Variants in INIP observed in about 807,000 individuals in gnomAD.
INIP encodes the protein INTS3 and NABP interacting protein.
INIP carries 9 observed loss-of-function variants against 14.0 expected under a neutral mutation model. The observed-to-expected ratio is 0.64, with a 90% CI of 0.39 to 1.12. INIP has a LOEUF of 1.12. Among genes scored for constraint, INIP ranks in the 50% most tolerant of loss-of-function variants. INIP has a pLI of 0.01. For missense variants in INIP, 78 were observed against 122.7 expected, an observed-to-expected ratio of 0.64 and a Z score of 1.72; for synonymous variants, 37 against 41.5, an observed-to-expected ratio of 0.89 and a Z score of 0.41.
At position 112,686,395 on chromosome 9, in the gene INIP, A is replaced by C. The variant is rs1837666008; in HGVS notation, c.*1143T>G. 1 of 152,246 alleles carries C rather than the reference A, an allele frequency of 6.6e-6. No individual in the cohort carries two copies. Among genetic ancestry groups the C allele is most frequent in the East Asian group, 1.9e-4 (1 of 5,202 alleles). 9.4% of individuals were successfully genotyped at this position (152,246 alleles called of 1,614,324 possible). ...GGTAGGGTAGTGGGACTGCATACTT[A>C]AATAAGCACCCCAGATACTGCTAAA... On this transcript the variant is annotated 3_prime_UTR_variant, in exon 5 of 5. Coordinates refer to ENST00000374242, the MANE Select transcript of INIP (RefSeq NM_021218.3).
rs1164650924 is a variant in INIP, at chr9:112,684,001, G to A, written c.*3537C>T. The A allele has an allele frequency of 6.6e-6, 1 of 151,980 alleles. No homozygotes were observed. The highest frequency in any genetic ancestry group is 1.5e-5 in the Non-Finnish European group (1 of 67,998). 9.4% of individuals were successfully genotyped at this position (151,980 alleles called of 1,614,324 possible). On this transcript the variant is annotated 3_prime_UTR_variant, in exon 5 of 5. Coordinates refer to ENST00000374242, the MANE Select transcript of INIP (RefSeq NM_021218.3). ...CTGACATCTGCATTATTTAGAAGCG[G>A]CTTTCAAAACTTTTTTTGCCATAAC...
chr9:112,693,748 G>C (rs914591460), intron 3 of INIP, among the ~76,000 whole-genome samples: 5 of 152,126 alleles, frequency 3.3e-5, no homozygotes, highest in Non-Finnish European at 5.9e-5. Flanking sequence ...TGAATTATTT[G>C]GTCCAAGAAA....
chr9:112,698,554 T>G (rs1340473107), intron 2 of INIP, among the ~76,000 whole-genome samples: 18 of 152,142 alleles, frequency 1.2e-4, no homozygotes, highest in Admixed American at 1.2e-3. Flanking sequence ...AAGCAATATA[T>G]AATTACAAGT....
At chr9:112,709,506 T>TA (rs1296349989) in intron 2 of INIP, among the ~76,000 whole-genome samples, 1 of 152,152 alleles carries the variant, frequency 6.6e-6, no homozygotes, top group Non-Finnish European at 1.5e-5. Context: ...GGGATAACAG[T>TA]AACACTTCAA....
chr9:112,689,291 G>A (rs1484969876), intron 4 of INIP, among the ~76,000 whole-genome samples: 1 of 152,040 alleles, frequency 6.6e-6, no homozygotes, highest in South Asian at 2.1e-4. Context: ...GCAATCCCTT[G>A]GCATGTAGAA....
chr9:112,689,682 G>C, intron 3 of INIP, 65 bp from the exon 4 acceptor site: 1 of 1,227,938 alleles, frequency 8.1e-7, no homozygotes, highest in Non-Finnish European at 1.2e-6. Context: ...TTTTTGGATG[G>C]TAGTAAATTA....
intron 2 of INIP, among the ~76,000 whole-genome samples, chr9:112,695,576 T>G (rs786981): frequency 0.12 from 18,510 of 152,058 alleles, 1,271 homozygotes; most frequent in African/African-American, 0.17. Context: ...ATTAGCATAC[T>G]GTCTGTGGCC....
At chr9:112,688,083 C>T (rs539361668) in intron 4 of INIP, among the ~76,000 whole-genome samples, 126 of 105,312 alleles carry the variant, frequency 1.2e-3, no homozygotes, top group Non-Finnish European at 1.4e-3. Context: ...GAGACTCCAT[C>T]TCAAATAAAT....
intron 2 of INIP, among the ~76,000 whole-genome samples, chr9:112,702,208 T>A (rs1219781241): frequency 6.6e-5 from 10 of 152,206 alleles, no homozygotes; most frequent in Admixed American, 6.5e-4. Context: ...CAGTATCAAT[T>A]TCCCTCAAGA....
At chr9:112,717,744 A>G (rs1286277919) in intron 1 of INIP, among the ~76,000 whole-genome samples, 3 of 152,186 alleles carry the variant, frequency 2.0e-5, no homozygotes, top group Non-Finnish European at 4.4e-5. Flanking sequence ...TTAGGACTGG[A>G]GGACAACAGG....
At chr9:112,708,177 G>T (rs1025311531) in intron 2 of INIP, among the ~76,000 whole-genome samples, 2 of 152,218 alleles carry the variant, frequency 1.3e-5, no homozygotes, top group Non-Finnish European at 2.9e-5. Flanking sequence ...AATCATTATT[G>T]TAGGAATGAA....
At chr9:112,712,706 C>T (rs1312032943) in intron 2 of INIP, among the ~76,000 whole-genome samples, 2 of 152,136 alleles carry the variant, frequency 1.3e-5, no homozygotes, top group African/African-American at 2.4e-5. Context: ...ATTGAATGAA[C>T]AGCAGATTGG....
chr9:112,716,299 C>T (rs13283869), intron 2 of INIP, among the ~76,000 whole-genome samples, 162 bp downstream of exon 2: 6 of 152,274 alleles, frequency 3.9e-5, no homozygotes, highest in Non-Finnish European at 5.9e-5. Context: ...GACTTGGCCT[C>T]CCAAAGTACT....
At chr9:112,714,778 T>A (rs919328276) in intron 2 of INIP, among the ~76,000 whole-genome samples, 3 of 152,236 alleles carry the variant, frequency 2.0e-5, no homozygotes, top group Admixed American at 6.5e-5. Flanking sequence ...TACCATCATA[T>A]GTTGCTTAAC....
chr9:112,708,295 G>A (rs947346615), intron 2 of INIP, among the ~76,000 whole-genome samples: 3 of 152,072 alleles, frequency 2.0e-5, no homozygotes, highest in African/African-American at 7.2e-5. Context: ...GTAGGGGTGA[G>A]GAACAAAATA....
chr9:112,694,119 T>C lies in INIP; in HGVS notation c.128+12A>G, dbSNP rs745418556. The C allele has an allele frequency of 9.4e-6, 14 of 1,491,246 alleles. No individual in the cohort carries two copies. The highest frequency in any genetic ancestry group is 1.2e-5 in the South Asian group (1 of 84,734). The allele number at this position is 1,491,246 out of a possible 1,614,324, so 92.4% of individuals were successfully genotyped here. A position where few individuals can be genotyped will look rare whatever the true frequency, so the allele number is the denominator to read the frequency against. ...CAAAACAAACAAAAAACCCACATTA[T>C]AGTGTCAATACCTAGCTCCAGGATG... On this transcript the variant is annotated intron_variant, in intron 3 of 4. Coordinates refer to ENST00000374242, the MANE Select transcript of INIP (RefSeq NM_021218.3).
At chr9:112,688,930 G>A (rs930236968) in intron 4 of INIP, among the ~76,000 whole-genome samples, 1 of 151,618 alleles carries the variant, frequency 6.6e-6, no homozygotes, top group African/African-American at 2.4e-5. Flanking sequence ...AAAAATACAA[G>A]TGATTAAATT....
At chr9:112,696,202 T>C (rs1271608420) in intron 2 of INIP, among the ~76,000 whole-genome samples, 1 of 152,150 alleles carries the variant, frequency 6.6e-6, no homozygotes, top group African/African-American at 2.4e-5. Flanking sequence ...CATTGTGGTC[T>C]TTCTGAAGAG....
chr9:112,688,049 G>GGGCGA (rs1837744028), intron 4 of INIP, among the ~76,000 whole-genome samples: 1 of 151,914 alleles, frequency 6.6e-6, no homozygotes, highest in South Asian at 2.1e-4. Context: ...TCGCACCACT[G>GGGCGA]CACTCCAGCC....
Sources: allele counts gnomAD v4.1 joint callset (sites outside exome capture counted in the v4.1 genomes callset), GRCh38; gene constraint gnomAD v4.1.1; transcripts MANE v1.5; gene names NCBI Gene and HGNC (gene_info 2026-07-23, HGNC 2026-07-21).